AGO2: variants seen among roughly 807,000 people sequenced by gnomAD.
AGO2 encodes protein argonaute-2.
AGO2 carries 5 observed loss-of-function variants against 102.3 expected under a neutral mutation model. That is an observed-to-expected ratio of 0.05 (90% CI 0.03 to 0.10). The LOEUF is 0.10. Ranked by LOEUF, AGO2 falls within the 10% of genes least tolerant of loss-of-function variation. The pLI, the probability that AGO2 is intolerant of heterozygous loss-of-function variation, is 1.00. For synonymous variants in AGO2, 449 were observed against 473.1 expected, an observed-to-expected ratio of 0.95 and a Z score of 0.66; for missense variants, 541 against 1,183.7, an observed-to-expected ratio of 0.46 and a Z score of 7.97.
At chr8:140,625,031 C>T (rs531120816) in intron 1 of AGO2, among the ~76,000 whole-genome samples, 1 of 152,294 alleles carries the variant, frequency 6.6e-6, no homozygotes, top group South Asian at 2.1e-4. Context: ...CCACCCCACC[C>T]TCTTGGTCTG....
intron 3 of AGO2, among the ~76,000 whole-genome samples, chr8:140,562,892 C>T (rs938616244): frequency 6.6e-6 from 1 of 152,182 alleles, no homozygotes; most frequent in South Asian, 2.1e-4. Context: ...TCACAGTGGT[C>T]GAAAACGTAT....
intron 1 of AGO2, among the ~76,000 whole-genome samples, chr8:140,607,284 G>A (rs1354664180): frequency 6.6e-6 from 1 of 151,366 alleles, no homozygotes; most frequent in African/African-American, 2.4e-5. Flanking sequence ...AAATGAGCCA[G>A]TTGCAATGGT....
At chr8:140,600,969 T>C (rs1183638586) in intron 1 of AGO2, among the ~76,000 whole-genome samples, 2 of 151,154 alleles carry the variant, frequency 1.3e-5, no homozygotes, top group African/African-American at 2.4e-5. Flanking sequence ...TGTCTAAATC[T>C]GTCCACTTCA....
At position 140,544,320 on chromosome 8, in the gene AGO2, C is replaced by T. The variant is rs372200054; in HGVS notation, c.1749-17G>A. ...ACCGGCGGCCTGCGGAGAGGAGTGG[C>T]GTCAGGGGCCACGGTGAGACACGCC... is the stretch of plus-strand genomic sequence containing the variant. On this transcript the variant is annotated splice_polypyrimidine_tract_variant and intron_variant, in intron 13 of 18. Transcript: ENST00000220592. 86 of 1,591,612 alleles carry T rather than the reference C, an allele frequency of 5.4e-5. No individual in the cohort carries two copies. Among genetic ancestry groups the T allele is most frequent in the South Asian group, 4.4e-4 (39 of 88,112 alleles).
chr8:140,564,735 G>C (rs900355957), intron 3 of AGO2, among the ~76,000 whole-genome samples: 1 of 152,118 alleles, frequency 6.6e-6, no homozygotes, highest in Non-Finnish European at 1.5e-5. Context: ...CTAAGGTCAG[G>C]AGTTCAAGAC....
chr8:140,581,906 A>C (rs1476876292), intron 2 of AGO2, among the ~76,000 whole-genome samples: 1 of 152,202 alleles, frequency 6.6e-6, no homozygotes, highest in African/African-American at 2.4e-5. Context: ...AACCATCACC[A>C]TGGCTTAGAA....
At chr8:140,546,875 G>A (rs184805937) in intron 13 of AGO2, among the ~76,000 whole-genome samples, 95 of 152,328 alleles carry the variant, frequency 6.2e-4, no homozygotes, top group African/African-American at 2.3e-3. Flanking sequence ...CCCTGCCCTG[G>A]AATACCTGGA....
At position 140,549,178 on chromosome 8, in the gene AGO2, C is replaced by T. The variant is rs1222253585; in HGVS notation, c.1524G>A (p.Leu508=). The change falls in exon 12 of 19, where the codon CTG becomes CTA. Residue 508 remains leucine, a synonymous_variant. Transcript: ENST00000220592. ...GCTGCAGGCCCGCATACGTGTTCTTCAGGTGCCGGAACATGGGCTCCACGC... is the reference window on the plus strand; with the variant it reads ...GCTGCAGGCCCGCATACGTGTTCTTTAGGTGCCGGAACATGGGCTCCACGC... ...ADSVEPMFRH[L]KNTYAGLQLV... is the part of the protein sequence containing the mutation. 1.9e-6 allele frequency: 3 copies of T among 1,613,474 alleles called. No individual in the cohort carries two copies. The highest frequency in any genetic ancestry group is 1.3e-5 in the African/African-American group (1 of 74,930).
intron 1 of AGO2, among the ~76,000 whole-genome samples, chr8:140,619,240 G>A (rs1020615673): frequency 2.0e-5 from 3 of 152,296 alleles, no homozygotes; most frequent in Non-Finnish European, 4.4e-5. Flanking sequence ...GCGCAGGCTC[G>A]GGAGCAAGTC....
chr8:140,590,285 C>G (rs1039903309), intron 1 of AGO2, among the ~76,000 whole-genome samples: 7 of 152,184 alleles, frequency 4.6e-5, no homozygotes, highest in Non-Finnish European at 8.8e-5. Flanking sequence ...GGCTCTGGAG[C>G]CCCCCAGATC....
At chr8:140,559,336 A>G (rs768411313) in intron 6 of AGO2, 59 bp downstream of exon 6, 10 of 1,594,530 alleles carry the variant, frequency 6.3e-6, no homozygotes, top group Non-Finnish European at 7.7e-6. Flanking sequence ...GCGGTCCCGG[A>G]GGCGGACCGG....
chr8:140,586,886 C>G (rs1041472637), intron 1 of AGO2, among the ~76,000 whole-genome samples: 4 of 152,192 alleles, frequency 2.6e-5, no homozygotes, highest in Admixed American at 6.5e-5. Flanking sequence ...ACGCTCCTCT[C>G]GGGGAGGAGA....
At chr8:140,587,691 A>C (rs2073679818) in intron 1 of AGO2, among the ~76,000 whole-genome samples, 1 of 152,258 alleles carries the variant, frequency 6.6e-6, no homozygotes, top group African/African-American at 2.4e-5. Flanking sequence ...TAATGCACCA[A>C]GGTGTGGACC....
intron 3 of AGO2, among the ~76,000 whole-genome samples, chr8:140,563,141 T>C (rs1314724655): frequency 6.6e-6 from 1 of 152,254 alleles, no homozygotes; most frequent in Non-Finnish European, 1.5e-5. Flanking sequence ...TTGCTAATCA[T>C]GCTTCCCAGT....
At chr8:140,603,717 T>C (rs1162283115) in intron 1 of AGO2, among the ~76,000 whole-genome samples, 1 of 152,180 alleles carries the variant, frequency 6.6e-6, no homozygotes, top group Non-Finnish European at 1.5e-5. Flanking sequence ...TGGGGCCGGA[T>C]TTAACAGACT....
At chr8:140,625,925 T>C (rs2074270683) in intron 1 of AGO2, among the ~76,000 whole-genome samples, 1 of 152,252 alleles carries the variant, frequency 6.6e-6, no homozygotes, top group African/African-American at 2.4e-5. Flanking sequence ...GTGACCGTTC[T>C]TACAGTGAGG....
chr8:140,636,005 C>G (rs538976166), upstream of AGO2, among the ~76,000 whole-genome samples: 1 of 150,812 alleles, frequency 6.6e-6, no homozygotes, highest in East Asian at 2.0e-4. Flanking sequence ...AGGAGCCGGG[C>G]CCCCCGGCTG....
rs905729209 is a variant in AGO2 at position 140,557,936 on chromosome 8, G to A, written c.878+549C>T. 6.6e-6 allele frequency among the ~76,000 whole-genome samples: 1 copy of A among 152,200 alleles called. No individual in the cohort carries two copies. The highest frequency in any genetic ancestry group is 2.4e-5 in the African/African-American group (1 of 41,450). ...CCTCCAGTGCCTGGCAACAGGCCTG[G>A]CACTTTCCATGGAATGATCCATGAA... On this transcript the variant is annotated intron_variant, in intron 7 of 18. Coordinates refer to ENST00000220592, the MANE Select transcript of AGO2 (RefSeq NM_012154.5). This position sits in a 1 kb window ranked among gnomAD's most constrained non-coding sequence, Gnocchi z 5.9.
At chr8:140,568,505 G>A (rs1206162883) in intron 3 of AGO2, among the ~76,000 whole-genome samples, 1 of 152,164 alleles carries the variant, frequency 6.6e-6, no homozygotes, top group Admixed American at 6.5e-5. Flanking sequence ...ACCTGGACGG[G>A]GCCTCCCTGG....
Sources: gnomAD v4.1 joint callset for allele counts (sites outside exome capture counted in the v4.1 genomes callset) on GRCh38, gnomAD v4.1.1 for gene constraint, Gnocchi (gnomAD v3.1) non-coding constraint, MANE v1.5 for transcripts, NCBI Gene and HGNC (gene_info 2026-07-23, HGNC 2026-07-21) for gene names.